The following BORA variants were observed in gnomAD, a reference collection of about 807,000 sequenced individuals.
BORA encodes BORA aurora kinase A activator.
A neutral mutation model predicts 55.8 loss-of-function variants in BORA; 26 were observed. The observed-to-expected ratio is 0.47, with a 90% CI of 0.34 to 0.65. BORA has a LOEUF of 0.65. BORA is among the 30% of genes least tolerant of loss of function. The pLI is 0.01. For missense variants in BORA, 568 were observed against 671.5 expected (o/e 0.85, Z 1.70); for synonymous variants, 201 against 216.9 (o/e 0.93, Z 0.64).
intron 9 of BORA, 102 bp downstream of exon 9, chr13:72,746,178 T>C: frequency 9.2e-7 from 1 of 1,084,734 alleles, no homozygotes; most frequent in Non-Finnish European, 1.3e-6. Context: ...CTCAAAATGA[T>C]CACTAACCTT....
intron 5 of BORA, among the ~76,000 whole-genome samples, chr13:72,739,796 C>T (rs577634023): frequency 8.5e-5 from 13 of 152,246 alleles, no homozygotes; most frequent in African/African-American, 2.9e-4. Flanking sequence ...TTATTACTTA[C>T]AAGTCCTAGG....
At chr13:72,738,286 T>C (rs1416537592) in intron 5 of BORA, among the ~76,000 whole-genome samples, 1 of 152,172 alleles carries the variant, frequency 6.6e-6, no homozygotes, top group Non-Finnish European at 1.5e-5. Flanking sequence ...TCAGTTATAA[T>C]GATGGTTATA....
At chr13:72,730,689 TTA>T (rs898563388) in intron 2 of BORA, among the ~76,000 whole-genome samples, 1 of 152,132 alleles carries the variant, frequency 6.6e-6, no homozygotes, top group Non-Finnish European at 1.5e-5. Flanking sequence ...TGTGAAAGTT[TTA>T]TATCTTTATT....
intron 2 of BORA, among the ~76,000 whole-genome samples, chr13:72,729,746 T>C (rs918461483): frequency 2.0e-5 from 3 of 152,218 alleles, no homozygotes; most frequent in African/African-American, 4.8e-5. Context: ...CAAGATATTT[T>C]TTTGTTTGTT....
intron 10 of BORA, among the ~76,000 whole-genome samples, chr13:72,747,464 T>C (rs1449721213): frequency 6.6e-6 from 1 of 152,096 alleles, no homozygotes; most frequent in African/African-American, 2.4e-5. Context: ...TGGTATAGTA[T>C]TTGCATTCTA....
intron 7 of BORA, 42 bp from the exon 8 acceptor site, chr13:72,744,939 T>C: frequency 6.4e-7 from 1 of 1,568,888 alleles, no homozygotes; most frequent in Non-Finnish European, 8.7e-7. Flanking sequence ...AATTGCCCTT[T>C]AAAATGACTA....
At chr13:72,742,066 A>C (rs1414748836) in intron 5 of BORA, among the ~76,000 whole-genome samples, 4 of 152,016 alleles carry the variant, frequency 2.6e-5, no homozygotes, top group Non-Finnish European at 5.9e-5. Flanking sequence ...ATAGAAGGTC[A>C]CTCTGCATGC....
intron 4 of BORA, among the ~76,000 whole-genome samples, chr13:72,735,704 G>C (rs2138052786): frequency 6.6e-6 from 1 of 152,206 alleles, no homozygotes; most frequent in East Asian, 1.9e-4. Context: ...CCGCCTCCCA[G>C]GTTCAAGTGA....
At chr13:72,733,146 A>G (rs1450715113) in intron 3 of BORA, among the ~76,000 whole-genome samples, 2 of 152,236 alleles carry the variant, frequency 1.3e-5, no homozygotes, top group Non-Finnish European at 1.5e-5. Flanking sequence ...AGGATAGTCA[A>G]TATATTCTTC....
intron 3 of BORA, among the ~76,000 whole-genome samples, chr13:72,733,802 CT>C (rs1424770064): frequency 6.6e-6 from 1 of 152,120 alleles, no homozygotes; most frequent in African/African-American, 2.4e-5. Context: ...TGTATACATT[CT>C]CATATAAGCT....
At chr13:72,744,029 G>A (rs1384268823) in intron 6 of BORA, among the ~76,000 whole-genome samples, 2 of 152,154 alleles carry the variant, frequency 1.3e-5, no homozygotes, top group South Asian at 4.1e-4. Flanking sequence ...GAGCCACCAA[G>A]CCTGGCCTGT....
At position 72,745,092 on chromosome 13, in the gene BORA, T is replaced by A; in HGVS notation, c.623T>A (p.Leu208Ter). 6.2e-7 allele frequency: 1 copy of A among 1,614,136 alleles called. No homozygotes were observed. Residue 208 changes from leucine (L) to a stop codon, truncating the protein, a stop_gained, in exon 8 of 12, where the codon TTA becomes TAA. Transcript: ENST00000390667. LOFTEE classifies it high-confidence loss of function. ...GGGAACGGAAGCATCTCCGACTCCT[T>A]ACCTTCGGCTTCTCCCGGAAGTCCT... ...LDGNGSISDS[L>*]PSASPGSPHS... is the part of the protein sequence containing the mutation.
chr13:72,753,078 AAAATATT>A (rs2033322012), intron 10 of BORA: 1 of 152,206 alleles, frequency 6.6e-6, no homozygotes, highest in Admixed American at 6.5e-5. Context: ...AAAGGAGAAA[AAAATATT>A]AAATATATAG....
At chr13:72,747,739 G>A (rs2033180224) in intron 10 of BORA, among the ~76,000 whole-genome samples, 2 of 151,936 alleles carry the variant, frequency 1.3e-5, no homozygotes, top group African/African-American at 4.8e-5. Context: ...AGCTATGTTG[G>A]CCAGGCTGGT....
At chr13:72,751,706 C>T (rs1397990754) in intron 10 of BORA, among the ~76,000 whole-genome samples, 1 of 152,046 alleles carries the variant, frequency 6.6e-6, no homozygotes, top group Non-Finnish European at 1.5e-5. Flanking sequence ...AACAATTTAT[C>T]GTATATTTTC....
rs762183441 is a variant in BORA at position 72,753,710 on chromosome 13, G to A, written c.1503G>A (p.Thr501=). 11 of 1,612,006 alleles carry A rather than the reference G, an allele frequency of 6.8e-6. No homozygotes were observed. The highest frequency in any genetic ancestry group is 2.7e-5 in the African/African-American group (2 of 74,730). The change falls in exon 11 of 12, where the codon ACG becomes ACA. Residue 501 remains threonine, a synonymous_variant. Coordinates refer to ENST00000390667, the MANE Select transcript of BORA (RefSeq NM_024808.5). ...GTCAGATGGATAGTGGCTATAATACGCAGAATTGTGGAAGCAATATTATGG... is the reference window on the plus strand; with the variant it reads ...GTCAGATGGATAGTGGCTATAATACACAGAATTGTGGAAGCAATATTATGG... The part of the protein sequence containing the change: ...SNIQMDSGYN[T]QNCGSNIMDT...
intron 10 of BORA, 108 bp downstream of exon 10, chr13:72,747,219 T>C: frequency 8.9e-7 from 1 of 1,123,830 alleles, no homozygotes; most frequent in Non-Finnish European, 1.2e-6. Context: ...AGGACTACAG[T>C]ATTATATAAT....
rs759907102 is a variant in BORA at position 72,728,912 on chromosome 13, T to G, written c.-15-14T>G. On this transcript the variant is annotated splice_polypyrimidine_tract_variant and intron_variant, in intron 1 of 11. Transcript: ENST00000390667. ...TTTGTAATTTTAACATGCATACTCT[T>G]GATTTCTTTTTAGTTTTCTCTCTGT... The G allele has an allele frequency of 9.0e-6, 14 of 1,556,338 alleles. No individual in the cohort carries two copies. Among genetic ancestry groups the G allele is most frequent in the Non-Finnish European group, 1.1e-5 (13 of 1,159,584 alleles).
Position 72,756,155 on chromosome 13 carries a change from A to G in BORA, c.*939A>G, listed in dbSNP as rs1324674402. On this transcript the variant is annotated 3_prime_UTR_variant, in exon 12 of 12. Transcript: ENST00000390667. Reference sequence around the variant, plus strand: ...TTTGTATTTATAAATCAACTTTTAAAAACTGTCTCATTCAAAAGGGAATAA... The same window carrying G: ...TTTGTATTTATAAATCAACTTTTAAGAACTGTCTCATTCAAAAGGGAATAA... 1.3e-5 allele frequency: 5 copies of G among 392,932 alleles called. No homozygotes were observed. Among genetic ancestry groups the G allele is most frequent in the Non-Finnish European group, 1.8e-5 (4 of 223,074 alleles). 24.3% of individuals were successfully genotyped at this position (392,932 alleles called of 1,614,324 possible).
Sources: gnomAD v4.1 joint callset for allele counts (sites outside exome capture counted in the v4.1 genomes callset) on GRCh38, gnomAD v4.1.1 for gene constraint, MANE v1.5 for transcripts, NCBI Gene and HGNC (gene_info 2026-07-23, HGNC 2026-07-21) for gene names.